The following MSRA variants were observed in gnomAD, a reference collection of about 807,000 sequenced individuals.
The protein encoded by MSRA is methionine sulfoxide reductase A, also known as mitochondrial peptide methionine sulfoxide reductase.
In MSRA, 54 loss-of-function variants were observed where a neutral mutation model predicts 31.3. The ratio of observed to expected loss-of-function variants is 1.73; its 90% CI spans 1.39 to 2.17. The LOEUF (loss-of-function observed/expected upper bound fraction) is 2.17, where lower values mean the gene tolerates loss of function less well. Among genes scored for constraint, MSRA ranks in the 30% most tolerant of loss-of-function variants. The pLI is 0.00. For synonymous variants in MSRA, 169 were observed against 116.5 expected, an observed-to-expected ratio of 1.45 and a Z score of -2.90; for missense variants, 507 against 300.9, an observed-to-expected ratio of 1.69 and a Z score of -5.07.
chr8:10,259,598 G>A (rs1029888942), intron 3 of MSRA, among the ~76,000 whole-genome samples: 1 of 151,936 alleles, frequency 6.6e-6, no homozygotes. Flanking sequence ...TACTTACTAG[G>A]TGCAAAACAT....
intron 5 of MSRA, among the ~76,000 whole-genome samples, chr8:10,328,994 G>C (rs915345821): frequency 6.6e-6 from 1 of 152,166 alleles, no homozygotes; most frequent in Non-Finnish European, 1.5e-5. Context: ...TAACCATCTT[G>C]TTCTTGACCC....
intron 1 of MSRA, among the ~76,000 whole-genome samples, chr8:10,082,848 A>G (rs932234913): frequency 6.6e-6 from 1 of 152,236 alleles, no homozygotes; most frequent in Non-Finnish European, 1.5e-5. Flanking sequence ...AGCACCCACC[A>G]AAGTGCCGTG....
intron 5 of MSRA, among the ~76,000 whole-genome samples, chr8:10,354,862 T>C (rs1391064556): frequency 1.3e-5 from 2 of 151,912 alleles, no homozygotes; most frequent in African/African-American, 2.4e-5. Flanking sequence ...TTAACGGCTT[T>C]AGTGTTGTTT....
At chr8:10,350,615 A>G (rs955673775) in intron 5 of MSRA, among the ~76,000 whole-genome samples, 1 of 152,230 alleles carries the variant, frequency 6.6e-6, no homozygotes, top group African/African-American at 2.4e-5. Flanking sequence ...GAACCAGAAA[A>G]TAGCTCTCAA....
chr8:10,248,265 G>A (rs969199638), intron 3 of MSRA, among the ~76,000 whole-genome samples: 4 of 152,182 alleles, frequency 2.6e-5, no homozygotes, highest in South Asian at 4.1e-4. Flanking sequence ...GTCAAGAAAA[G>A]AAGCATAGAG....
chr8:10,288,684 A>G (rs1028167334), intron 3 of MSRA, among the ~76,000 whole-genome samples: 2 of 152,198 alleles, frequency 1.3e-5, no homozygotes, highest in Non-Finnish European at 2.9e-5. Context: ...CATTTTTTAA[A>G]AAAAATTTAG....
chr8:10,171,619 G>C (rs984229238), intron 1 of MSRA, among the ~76,000 whole-genome samples: 5 of 152,126 alleles, frequency 3.3e-5, no homozygotes, highest in African/African-American at 9.7e-5. Flanking sequence ...TGATAGCACA[G>C]GCAACCACAG....
At chr8:10,310,539 ACT>A (rs1801378538) in intron 4 of MSRA, among the ~76,000 whole-genome samples, 1 of 152,146 alleles carries the variant, frequency 6.6e-6, no homozygotes, top group Non-Finnish European at 1.5e-5. Flanking sequence ...TGGTGTCTGC[ACT>A]CTGAGTGACA....
chr8:10,412,929 T>G (rs997845709), intron 5 of MSRA, among the ~76,000 whole-genome samples: 1 of 152,224 alleles, frequency 6.6e-6, no homozygotes, highest in Non-Finnish European at 1.5e-5. Flanking sequence ...AAATTTCCCA[T>G]CATTTAATAT....
chr8:10,383,581 G>C (rs1384517515), intron 5 of MSRA, among the ~76,000 whole-genome samples: 1 of 42,366 alleles, frequency 2.4e-5, no homozygotes, highest in East Asian at 3.6e-4. Flanking sequence ...TTGACGGTGA[G>C]TTTGACATTT....
chr8:10,264,292 A>C (rs115791604), intron 3 of MSRA, among the ~76,000 whole-genome samples: 32 of 152,226 alleles, frequency 2.1e-4, no homozygotes, highest in Admixed American at 1.2e-3. Context: ...AGCATGTAGC[A>C]TTTAACCTCC....
chr8:10,299,031 T>A (rs1461770020), intron 3 of MSRA, among the ~76,000 whole-genome samples: 1 of 152,170 alleles, frequency 6.6e-6, no homozygotes, highest in Non-Finnish European at 1.5e-5. Flanking sequence ...AGGGCACCAT[T>A]TCATTGTATC....
Position 10,428,261 on chromosome 8 carries a change from C to A in MSRA, c.657C>A (p.Tyr219Ter). ...ACCTGAGCAAGAACCCCAATGGCTA[C>A]TGCGGCCTTGGGGGCACCGGCGTGT... ...QQYLSKNPNGYCGLGGTGVSC... is the reference protein window; with the variant it reads ...QQYLSKNPNG Residue 219 changes from tyrosine (Y) to a stop codon, truncating the protein, a stop_gained, in exon 6 of 6, where the codon TAC (tyrosine) becomes TAA (stop). Coordinates refer to ENST00000317173, the MANE Select transcript of MSRA (RefSeq NM_012331.5). LOFTEE classifies it high-confidence loss of function. 6.2e-7 allele frequency: 1 copy of A among 1,614,166 alleles called. No individual in the cohort carries two copies. Among genetic ancestry groups the A allele is most frequent in the Non-Finnish European group, 8.5e-7 (1 of 1,180,020 alleles).
intron 1 of MSRA, among the ~76,000 whole-genome samples, chr8:10,167,728 C>G (rs1337967009): frequency 2.0e-5 from 3 of 152,292 alleles, no homozygotes; most frequent in African/African-American, 7.2e-5. Flanking sequence ...GTGAAACCTC[C>G]ATGATGTCAA....
chr8:10,381,445 G>T (rs1806063845), intron 5 of MSRA, among the ~76,000 whole-genome samples: 1 of 152,202 alleles, frequency 6.6e-6, no homozygotes, highest in Non-Finnish European at 1.5e-5. Flanking sequence ...GAACATTTCA[G>T]GGGAAGAGCT....
intron 1 of MSRA, among the ~76,000 whole-genome samples, chr8:10,097,065 C>G (rs990907218): frequency 2.6e-5 from 4 of 152,122 alleles, no homozygotes; most frequent in African/African-American, 9.7e-5. Flanking sequence ...AAAAACCTGT[C>G]TATAGCTTTC....
At chr8:10,425,250 C>G (rs1309921547) in intron 5 of MSRA, among the ~76,000 whole-genome samples, 1 of 152,230 alleles carries the variant, frequency 6.6e-6, no homozygotes, top group Non-Finnish European at 1.5e-5. Flanking sequence ...CGACAGGACC[C>G]GTCCATGAGG....
intron 1 of MSRA, among the ~76,000 whole-genome samples, chr8:10,179,325 C>A (rs1806336644): frequency 6.6e-6 from 1 of 152,252 alleles, no homozygotes; most frequent in African/African-American, 2.4e-5. Flanking sequence ...TTCATCTTCT[C>A]TTTCTAATCG....
intron 5 of MSRA, among the ~76,000 whole-genome samples, chr8:10,354,932 AC>A (rs1804422408): frequency 6.6e-6 from 1 of 152,094 alleles, no homozygotes; most frequent in South Asian, 2.1e-4. Flanking sequence ...GAGCATACTT[AC>A]AGCTGAATCT....
Sources: gnomAD v4.1 joint callset for allele counts (sites outside exome capture counted in the v4.1 genomes callset) on GRCh38, gnomAD v4.1.1 for gene constraint, MANE v1.5 for transcripts, NCBI Gene and HGNC (gene_info 2026-07-23, HGNC 2026-07-21) for gene names.